MTUS2: variants seen among roughly 807,000 people sequenced by gnomAD.
The protein encoded by MTUS2 is microtubule-associated tumor suppressor candidate 2.
A neutral mutation model predicts 114.1 loss-of-function variants in MTUS2; 40 were observed. The observed-to-expected ratio is 0.35, with a 90% CI of 0.27 to 0.46. The LOEUF is 0.46. MTUS2 is among the 20% of genes least tolerant of loss of function. MTUS2 has a pLI of 1.00. For synonymous variants in MTUS2, 688 were observed against 672.0 expected (o/e 1.02, Z -0.37); for missense variants, 1,679 against 1,705.4 (o/e 0.98, Z 0.27).
chr13:29,279,717 A>G (rs1386764292), intron 5 of MTUS2, among the ~76,000 whole-genome samples: 2 of 152,204 alleles, frequency 1.3e-5, no homozygotes, highest in East Asian at 3.8e-4. Flanking sequence ...GGAAGTACAT[A>G]GTTCCCTGAT....
intron 2 of MTUS2, among the ~76,000 whole-genome samples, chr13:29,014,048 C>T (rs1885964199): frequency 6.6e-6 from 1 of 152,230 alleles, no homozygotes; most frequent in South Asian, 2.1e-4. Flanking sequence ...GCTCCTTACA[C>T]TGTGTGTTTT....
chr13:28,971,023 C>T (rs1034465129), intron 2 of MTUS2, among the ~76,000 whole-genome samples: 16 of 152,240 alleles, frequency 1.1e-4, no homozygotes, highest in African/African-American at 2.6e-4. Flanking sequence ...GTTATTAAAT[C>T]GCCTGTGTTT....
intron 8 of MTUS2, among the ~76,000 whole-genome samples, chr13:29,381,899 G>A (rs1872237716): frequency 6.6e-6 from 1 of 152,148 alleles, no homozygotes; most frequent in South Asian, 2.1e-4. Context: ...TGAGATAACA[G>A]ACATGAAAGT....
intron 1 of MTUS2, among the ~76,000 whole-genome samples, chr13:28,823,443 T>C (rs1374285457): frequency 1.3e-5 from 2 of 152,224 alleles, no homozygotes; most frequent in Non-Finnish European, 2.9e-5. Flanking sequence ...CTATGTGAAT[T>C]TGGATGCCTT....
At chr13:29,294,117 G>A (rs1019752876) in intron 6 of MTUS2, among the ~76,000 whole-genome samples, 1 of 151,950 alleles carries the variant, frequency 6.6e-6, no homozygotes, top group African/African-American at 2.4e-5. Context: ...AGAGCATGAA[G>A]GTTACAGAAA....
intron 5 of MTUS2, among the ~76,000 whole-genome samples, chr13:29,258,496 C>G (rs1897353838): frequency 6.6e-6 from 1 of 152,210 alleles, no homozygotes; most frequent in Non-Finnish European, 1.5e-5. Context: ...TCATCATATC[C>G]ACAGTCTTGG....
intron 1 of MTUS2, among the ~76,000 whole-genome samples, chr13:28,835,578 G>A (rs1366624271): frequency 6.6e-6 from 1 of 152,130 alleles, no homozygotes; most frequent in Non-Finnish European, 1.5e-5. Context: ...TGATAGTGGC[G>A]ATGCTTGCAT....
chr13:28,943,439 A>G (rs1423859949), intron 2 of MTUS2, among the ~76,000 whole-genome samples: 1 of 152,170 alleles, frequency 6.6e-6, no homozygotes, highest in Non-Finnish European at 1.5e-5. Flanking sequence ...TAAACAGTTC[A>G]GTTTCTTAGT....
At chr13:28,857,621 T>C (rs1876719654) in intron 2 of MTUS2, among the ~76,000 whole-genome samples, 1 of 152,302 alleles carries the variant, frequency 6.6e-6, no homozygotes, top group South Asian at 2.1e-4. Flanking sequence ...TAATAAATAC[T>C]GAAGGGAATG....
chr13:29,364,755 TGAGTGGA>T (rs1341468335), intron 8 of MTUS2, among the ~76,000 whole-genome samples: 2 of 152,224 alleles, frequency 1.3e-5, no homozygotes, highest in Non-Finnish European at 2.9e-5. Context: ...ATTTTCCCAC[TGAGTGGA>T]GCTCTCAGAG....
In MTUS2 at chr13:29,024,693, T is replaced by C. The variant is rs1886428972; in HGVS notation, c.-6T>C. 2 of 1,612,898 alleles carry C rather than the reference T, an allele frequency of 1.2e-6. No homozygotes were observed. The highest frequency in any genetic ancestry group is 1.3e-5 in the African/African-American group (1 of 74,900). On this transcript the variant is annotated 5_prime_UTR_variant, in exon 3 of 16. Transcript: ENST00000612955. ...CATGGCAAGCAGCCCCACCAAAGGG[T>C]TGACAATGAGCGTCCCAGTGGCTCC...
At chr13:29,094,525 T>C (rs913195864) in intron 4 of MTUS2, among the ~76,000 whole-genome samples, 4 of 152,076 alleles carry the variant, frequency 2.6e-5, no homozygotes, top group African/African-American at 9.7e-5. Flanking sequence ...AAATAAGTGG[T>C]GATGTTCCCT....
At chr13:29,078,246 T>C (rs368743136) in intron 4 of MTUS2, among the ~76,000 whole-genome samples, 12 of 152,204 alleles carry the variant, frequency 7.9e-5, no homozygotes, top group Non-Finnish European at 1.6e-4. Context: ...TTAAATTAAT[T>C]TCCCTATTAG....
intron 2 of MTUS2, among the ~76,000 whole-genome samples, chr13:28,864,323 G>A (rs1566184621): frequency 6.6e-6 from 1 of 152,162 alleles, no homozygotes; most frequent in African/African-American, 2.4e-5. Flanking sequence ...AGGAAAGTGG[G>A]ATTGTTCTCT....
At chr13:29,212,296 G>T (rs1222956548) in intron 5 of MTUS2, among the ~76,000 whole-genome samples, 1 of 151,980 alleles carries the variant, frequency 6.6e-6, no homozygotes, top group Non-Finnish European at 1.5e-5. Flanking sequence ...TTCTAATGTG[G>T]TTGGAGAACA....
At chr13:29,107,568 G>A (rs1010670134) in intron 5 of MTUS2, among the ~76,000 whole-genome samples, 2 of 152,130 alleles carry the variant, frequency 1.3e-5, no homozygotes, top group Admixed American at 6.5e-5. Context: ...TATACATAGA[G>A]ATAATTTACA....
intron 5 of MTUS2, among the ~76,000 whole-genome samples, chr13:29,212,053 GTCTT>G (rs1162158826): frequency 2.6e-5 from 4 of 151,986 alleles, no homozygotes; most frequent in African/African-American, 9.7e-5. Flanking sequence ...TTGGTTGGAG[GTCTT>G]TCTTTCATTG....
Position 29,224,719 on chromosome 13 carries a change from T to C in MTUS2, c.2645-56985T>C, listed in dbSNP as rs114271856. On this transcript the variant is annotated intron_variant, in intron 5 of 15. Transcript: ENST00000612955. ...CTTTTTGCTGTCTTTCTTAGCATTG[T>C]GTGGCTTAAGTAGTTTTGTAGCTTT... Among the ~76,000 whole-genome samples, 411 of 152,338 alleles carry C rather than the reference T, an allele frequency of 2.7e-3. 1 individual carries two copies. Among genetic ancestry groups the C allele is most frequent in the African/African-American group, 9.5e-3 (395 of 41,568 alleles).
chr13:29,307,808 G>T (rs1899546029), intron 6 of MTUS2: 1 of 881,002 alleles, frequency 1.1e-6, no homozygotes. Flanking sequence ...ACCAGCCCCA[G>T]TGAGAGCACA....
Sources: gnomAD v4.1 joint callset for allele counts (sites outside exome capture counted in the v4.1 genomes callset) on GRCh38, gnomAD v4.1.1 for gene constraint, MANE v1.5 for transcripts, NCBI Gene and HGNC (gene_info 2026-07-23, HGNC 2026-07-21) for gene names.